GPD2: variants seen among roughly 807,000 people sequenced by gnomAD.
The protein encoded by GPD2 is glycerol-3-phosphate dehydrogenase 2.
GPD2 carries 54 observed loss-of-function variants against 82.4 expected under a neutral mutation model. The observed-to-expected ratio is 0.66, with a 90% confidence interval of 0.53 to 0.82. The LOEUF is 0.82. Ranked by LOEUF, GPD2 falls within the 40% of genes least tolerant of loss-of-function variation. The pLI is 0.00. For synonymous variants in GPD2, 288 were observed against 306.1 expected, an observed-to-expected ratio of 0.94 and a Z score of 0.62; for missense variants, 748 against 896.2, an observed-to-expected ratio of 0.83 and a Z score of 2.11.
At chr2:156,464,802 G>A (rs1347581855) in intron 1 of GPD2, among the ~76,000 whole-genome samples, 2 of 151,666 alleles carry the variant, frequency 1.3e-5, no homozygotes, top group East Asian at 1.9e-4. Context: ...TATTTCTAAC[G>A]GCATATAATG....
At chr2:156,485,824 C>G (rs920672085) in intron 2 of GPD2, among the ~76,000 whole-genome samples, 7 of 152,204 alleles carry the variant, frequency 4.6e-5, no homozygotes, top group African/African-American at 1.7e-4. Flanking sequence ...TTTTGTTAAG[C>G]ATTTAGCCAT....
chr2:156,489,708 CT>C, intron 2 of GPD2, among the ~76,000 whole-genome samples: 1 of 119,774 alleles, frequency 8.3e-6, no homozygotes, highest in African/African-American at 3.3e-5. Context: ...TCCTTCCTTC[CT>C]TCCTTCCTTC....
At chr2:156,460,706 A>C (rs915360658) in intron 1 of GPD2, among the ~76,000 whole-genome samples, 3 of 152,172 alleles carry the variant, frequency 2.0e-5, no homozygotes, top group African/African-American at 7.2e-5. Context: ...GAAATATAAA[A>C]AAGACTTCTG....
chr2:156,524,483 T>C (rs1685533242), intron 6 of GPD2, among the ~76,000 whole-genome samples: 1 of 152,194 alleles, frequency 6.6e-6, no homozygotes, highest in Admixed American at 6.5e-5. Flanking sequence ...CTTGGAAGGC[T>C]GGGGTGGCCA....
chr2:156,557,485 T>G lies in GPD2; in HGVS notation c.1068T>G (p.Asp356Glu). ...WQKMTIAGTT[D>E]TPTDVTHHPI... is the part of the protein sequence containing the mutation. ...AGATGACGATCGCTGGCACTACTGATACTCCAACTGATGTTACACACCATC... is the reference window on the plus strand; with the variant it reads ...AGATGACGATCGCTGGCACTACTGAGACTCCAACTGATGTTACACACCATC... Residue 356 changes from aspartate to glutamate, a missense_variant, in exon 9 of 17, where the codon GAT (aspartate) becomes GAG (glutamate). By Grantham distance (45) the Asp-to-Glu change is conservative. Coordinates refer to ENST00000438166, the MANE Select transcript of GPD2 (RefSeq NM_000408.5). 1 of 1,598,302 alleles carries G rather than the reference T, an allele frequency of 6.3e-7. No individual in the cohort carries two copies. The highest frequency in any genetic ancestry group is 2.2e-5 in the East Asian group (1 of 44,782).
At chr2:156,457,421 G>T (rs1682825180) in intron 1 of GPD2, among the ~76,000 whole-genome samples, 1 of 152,208 alleles carries the variant, frequency 6.6e-6, no homozygotes, top group Non-Finnish European at 1.5e-5. Context: ...AAATCCTCTT[G>T]CCTCCTTCTG....
chr2:156,411,112 T>C, the GPD2 span, among the ~76,000 whole-genome samples: 2 of 152,152 alleles, frequency 1.3e-5, no homozygotes, highest in African/African-American at 4.8e-5. Flanking sequence ...ATAATTACCA[T>C]AAACTAGAAC....
chr2:156,528,302 A>T (rs1300480019), intron 6 of GPD2, among the ~76,000 whole-genome samples: 1 of 151,832 alleles, frequency 6.6e-6, no homozygotes, highest in Non-Finnish European at 1.5e-5. Flanking sequence ...CTACTTGTAT[A>T]TTTCTTTTTC....
At chr2:156,518,224 G>A (rs1022415484) in intron 6 of GPD2, among the ~76,000 whole-genome samples, 3 of 152,146 alleles carry the variant, frequency 2.0e-5, no homozygotes, top group African/African-American at 7.2e-5. Flanking sequence ...GCTCCCCTGA[G>A]GTAAATGTAG....
chr2:156,547,499 G>A (rs1032263950), intron 6 of GPD2, among the ~76,000 whole-genome samples: 56 of 152,282 alleles, frequency 3.7e-4, no homozygotes, highest in African/African-American at 1.3e-3. Flanking sequence ...CATGGCAGAC[G>A]AGGATCATAT....
At chr2:156,400,766 C>CCT in the GPD2 span, among the ~76,000 whole-genome samples, 1 of 152,206 alleles carries the variant, frequency 6.6e-6, no homozygotes, top group Admixed American at 6.5e-5. Context: ...ATGCTTTCGG[C>CCT]TGGGGGATGT....
At chr2:156,552,667 C>T (rs1317733400) in intron 8 of GPD2, among the ~76,000 whole-genome samples, 1 of 151,990 alleles carries the variant, frequency 6.6e-6, no homozygotes, top group Non-Finnish European at 1.5e-5. Flanking sequence ...TTAATTCTGT[C>T]ATTAAATAAT....
At chr2:156,540,677 A>G (rs1411429742) in intron 6 of GPD2, among the ~76,000 whole-genome samples, 1 of 152,252 alleles carries the variant, frequency 6.6e-6, no homozygotes, top group Non-Finnish European at 1.5e-5. Flanking sequence ...GTAAGATTTA[A>G]TAATTCTAAT....
intron 5 of GPD2, 77 bp downstream of exon 5, chr2:156,512,394 C>T (rs1685034816): frequency 2.5e-6 from 2 of 787,996 alleles, no homozygotes. Context: ...GAAATAATCC[C>T]TCAATGCATA....
chr2:156,522,444 C>T (rs115419570), intron 6 of GPD2, among the ~76,000 whole-genome samples: 2,116 of 152,136 alleles, frequency 0.014, 27 homozygotes, highest in Non-Finnish European at 0.021. Context: ...AGCTATTTAC[C>T]TCTCCCATTC....
At chr2:156,434,216 G>A (rs1273932189), upstream of GPD2, among the ~76,000 whole-genome samples, 3 of 152,120 alleles carry the variant, frequency 2.0e-5, no homozygotes, top group Non-Finnish European at 4.4e-5. Context: ...TGATTCTCCT[G>A]CCTCAGCTTC....
intron 1 of GPD2, among the ~76,000 whole-genome samples, chr2:156,471,384 C>T (rs772575154): frequency 3.3e-5 from 5 of 152,222 alleles, no homozygotes; most frequent in Non-Finnish European, 7.3e-5. Flanking sequence ...TTAGACAAAA[C>T]ATCTTACTTC....
At chr2:156,501,741 G>A (rs527527172) in intron 3 of GPD2, 2 of 169,314 alleles carry the variant, frequency 1.2e-5, no homozygotes, top group South Asian at 2.0e-4. Context: ...TTAATCTGGA[G>A]ATTTAACATA....
chr2:156,493,379 A>T (rs1326175328), intron 2 of GPD2, among the ~76,000 whole-genome samples: 2 of 152,186 alleles, frequency 1.3e-5, no homozygotes, highest in Admixed American at 1.3e-4. Flanking sequence ...AAAAAAAACA[A>T]GATTTACAGG....
Sources: gnomAD v4.1 joint callset for allele counts (sites outside exome capture counted in the v4.1 genomes callset) on GRCh38, gnomAD v4.1.1 for gene constraint, MANE v1.5 for transcripts, NCBI Gene and HGNC (gene_info 2026-07-23, HGNC 2026-07-21) for gene names.